The following POLA1 variants were observed in gnomAD, a reference collection of about 807,000 sequenced individuals.
POLA1 encodes DNA polymerase alpha 1, catalytic subunit, also known as DNA polymerase alpha catalytic subunit.
In POLA1, 15 loss-of-function variants were observed where a neutral mutation model predicts 124.0. The ratio of observed to expected loss-of-function variants is 0.12; its 90% CI spans 0.08 to 0.19. The LOEUF (loss-of-function observed/expected upper bound fraction) is 0.19, where lower values mean the gene tolerates loss of function less well. Ranked by LOEUF, POLA1 falls within the 10% of genes least tolerant of loss-of-function variation. POLA1 has a pLI of 1.00. For synonymous variants in POLA1, 408 were observed against 389.4 expected (o/e 1.05, Z -0.56); for missense variants, 886 against 1,103.4 (o/e 0.80, Z 2.79).
At chrX:24,875,568 T>C (rs1478470994) in intron 34 of POLA1, among the ~76,000 whole-genome samples, 1 of 112,082 alleles carries the variant, frequency 8.9e-6, no homozygotes, top group Non-Finnish European at 1.9e-5. Flanking sequence ...ACAGTATCTA[T>C]AATTTCGGAG....
chrX:24,710,088 G>A (rs1181217777), intron 4 of POLA1, among the ~76,000 whole-genome samples: 1 of 100,592 alleles, frequency 9.9e-6, no homozygotes. Context: ...TCCTCCAGCC[G>A]CTGCCTCCCG....
At chrX:24,992,019 T>A (rs1255643988) in intron 36 of POLA1, among the ~76,000 whole-genome samples, 1 of 112,075 alleles carries the variant, frequency 8.9e-6, no homozygotes, top group African/African-American at 3.2e-5. Flanking sequence ...ATTTCTTACT[T>A]TGAGAAATGT....
intron 34 of POLA1, among the ~76,000 whole-genome samples, chrX:24,851,055 G>A (rs1328926216): frequency 8.9e-6 from 1 of 111,772 alleles, no homozygotes; most frequent in Non-Finnish European, 1.9e-5. Context: ...TTTCCTCTTG[G>A]CCCTCCCTTC....
intron 34 of POLA1, among the ~76,000 whole-genome samples, chrX:24,886,561 T>C (rs1357834958): frequency 1.8e-5 from 2 of 111,791 alleles, no homozygotes; most frequent in Non-Finnish European, 3.8e-5. Context: ...TATAGCTACT[T>C]CCAGAAAAGC....
chrX:24,826,555 T>C lies in POLA1; in HGVS notation c.3690T>C (p.Cys1230=), dbSNP rs768896034. Residue 1230 remains cysteine (C), a synonymous_variant, in exon 32 of 37, where the codon TGT becomes TGC. Transcript: ENST00000379068. The stretch of plus-strand genomic sequence containing the variant: ...TCCACCCAGTCGTGGCTCGGATCTG[T>C]GAACCAATAGACGGAATTGATGCTG... ...QQIHPVVARI[C]EPIDGIDAVL... 1 of 1,207,595 alleles carries C rather than the reference T, an allele frequency of 8.3e-7. No homozygotes were observed. The highest frequency in any genetic ancestry group is 1.8e-5 in the South Asian group (1 of 56,188).
chrX:24,727,013 A>G lies in POLA1; in HGVS notation c.1473A>G (p.Glu491=), dbSNP rs1156455923. Residue 491 remains glutamate, a synonymous_variant, in exon 14 of 37, where the codon GAA becomes GAG. Coordinates refer to ENST00000379068, the MANE Select transcript of POLA1 (RefSeq NM_001330360.2). ...HVFGTNTSSL[E]LFLMNRKIKG... ...TTGGGACCAACACATCTAGCCTGGA[A>G]CTGTTCTTGATGAACAGAAAGATCA... 1 of 1,201,614 alleles carries G rather than the reference A, an allele frequency of 8.3e-7. No individual in the cohort carries two copies. The highest frequency in any genetic ancestry group is 1.8e-5 in the South Asian group (1 of 55,639).
intron 26 of POLA1, among the ~76,000 whole-genome samples, chrX:24,787,463 A>G (rs2045388559): frequency 8.9e-6 from 1 of 111,875 alleles, no homozygotes; most frequent in African/African-American, 3.2e-5. Flanking sequence ...CCATTTATTG[A>G]GGAGACTTTT....
intron 16 of POLA1, 144 bp downstream of exon 16, chrX:24,732,598 T>TG (rs1281054856): frequency 3.3e-5 from 11 of 330,729 alleles, no homozygotes; most frequent in Non-Finnish European, 5.6e-5. Flanking sequence ...TGTTTTTTTT[T>TG]GTTTTTTTTT....
intron 13 of POLA1, among the ~76,000 whole-genome samples, chrX:24,726,356 C>T (rs1301264471): frequency 8.9e-6 from 1 of 112,041 alleles, no homozygotes. Flanking sequence ...CATTAGTCTG[C>T]TGAAGTGTCC....
Position 24,812,643 on chromosome X carries a change from T to C in POLA1, c.3091-15T>C, listed in dbSNP as rs766518393. 2.9e-6 allele frequency: 3 copies of C among 1,047,507 alleles called. No homozygotes were observed. The highest frequency in any genetic ancestry group is 3.7e-5 in the African/African-American group (2 of 53,897). 86.3% of individuals were successfully genotyped at this position (1,047,507 alleles called of 1,213,427 possible). On this transcript the variant is annotated splice_polypyrimidine_tract_variant and intron_variant, in intron 28 of 36. Coordinates refer to ENST00000379068, the MANE Select transcript of POLA1 (RefSeq NM_001330360.2). Reference sequence around the variant, plus strand: ...ATGTTTGAGAAGCTAATACTAATATTTGAAATTTTCACAGGTAAAAAGTGA... The same window carrying C: ...ATGTTTGAGAAGCTAATACTAATATCTGAAATTTTCACAGGTAAAAAGTGA...
chrX:24,729,539 G>T (rs997752289), intron 15 of POLA1, among the ~76,000 whole-genome samples: 9 of 111,794 alleles, frequency 8.1e-5, no homozygotes, highest in African/African-American at 2.6e-4. Context: ...TCTTTAGCCA[G>T]TATTATTTGG....
At chrX:24,985,809 T>C (rs2048473848) in intron 36 of POLA1, among the ~76,000 whole-genome samples, 1 of 111,831 alleles carries the variant, frequency 8.9e-6, no homozygotes, top group Non-Finnish European at 1.9e-5. Context: ...GGATATTCAA[T>C]CAGTATTTAT....
At chrX:24,821,215 A>T (rs1450226664) in intron 30 of POLA1, among the ~76,000 whole-genome samples, 180 of 111,925 alleles carry the variant, frequency 1.6e-3, no homozygotes, top group African/African-American at 5.4e-3. Flanking sequence ...ATGGCCCATT[A>T]ACTTATATTT....
At chrX:24,828,087 A>G (rs1223153194) in intron 32 of POLA1, among the ~76,000 whole-genome samples, 2 of 112,657 alleles carry the variant, frequency 1.8e-5, no homozygotes, top group Non-Finnish European at 3.8e-5. Flanking sequence ...ATAAAATTCT[A>G]CCACCAAAAT....
intron 36 of POLA1, among the ~76,000 whole-genome samples, chrX:24,974,299 C>T (rs1435532721): frequency 1.8e-5 from 2 of 111,306 alleles, no homozygotes; most frequent in African/African-American, 6.6e-5. Context: ...GGGTAGAGGC[C>T]AAGGCTGCTA....
At chrX:24,782,808 C>T (rs1220220480) in intron 26 of POLA1, among the ~76,000 whole-genome samples, 1 of 111,176 alleles carries the variant, frequency 9.0e-6, no homozygotes, top group East Asian at 2.8e-4. Flanking sequence ...ACCATGTTTC[C>T]ACAGGAGAGG....
At chrX:24,968,419 GC>G in intron 36 of POLA1, among the ~76,000 whole-genome samples, 1 of 111,745 alleles carries the variant, frequency 8.9e-6, no homozygotes, top group Middle Eastern at 4.7e-3. Context: ...AAGAATCCAG[GC>G]CGGGCGCAGT....
At chrX:24,849,528 G>A (rs1601801459) in intron 34 of POLA1, among the ~76,000 whole-genome samples, 1 of 111,083 alleles carries the variant, frequency 9.0e-6, no homozygotes, top group Non-Finnish European at 1.9e-5. Context: ...GGTGTGCAGT[G>A]GTACGATCAT....
intron 32 of POLA1, among the ~76,000 whole-genome samples, chrX:24,841,288 G>A (rs1228260813): frequency 8.9e-6 from 1 of 111,839 alleles, no homozygotes; most frequent in East Asian, 2.8e-4. Context: ...TCTTTAATGG[G>A]ATTTTTATTC....
Sources: gnomAD v4.1 joint callset for allele counts (sites outside exome capture counted in the v4.1 genomes callset) on GRCh38, gnomAD v4.1.1 for gene constraint, MANE v1.5 for transcripts, NCBI Gene and HGNC (gene_info 2026-07-23, HGNC 2026-07-21) for gene names.